The following KBTBD11 variants were observed in gnomAD, a reference collection of about 807,000 sequenced individuals.
KBTBD11 encodes the protein kelch repeat and BTB domain-containing protein 11.
For missense variants in KBTBD11, 1,390 were observed against 1,001.8 expected, an observed-to-expected ratio of 1.39 and a Z score of -5.23; for synonymous variants, 747 against 499.0, an observed-to-expected ratio of 1.50 and a Z score of -6.63.
chr8:1,976,403 TC>T (rs970761139), intron 1 of KBTBD11: 18 of 152,322 alleles, frequency 1.2e-4, no homozygotes, highest in African/African-American at 4.1e-4. Context: ...AATTAAAGCA[TC>T]TAGTTTACTT....
intron 1 of KBTBD11, among the ~76,000 whole-genome samples, chr8:1,993,202 C>T (rs930406801): frequency 1.3e-5 from 2 of 152,096 alleles, no homozygotes; most frequent in East Asian, 1.9e-4. Context: ...CCACCTCAGC[C>T]TTCTGAAGTG....
chr8:1,981,293 G>C (rs1220801549), intron 1 of KBTBD11, among the ~76,000 whole-genome samples: 1 of 152,174 alleles, frequency 6.6e-6, no homozygotes, highest in African/African-American at 2.4e-5. Flanking sequence ...ATGCTTAAGG[G>C]AATTCTTCTA....
intron 1 of KBTBD11, among the ~76,000 whole-genome samples, chr8:1,989,828 T>C (rs1816843744): frequency 6.6e-6 from 1 of 151,636 alleles, no homozygotes; most frequent in Admixed American, 6.6e-5. Flanking sequence ...TCCATGGCTC[T>C]GACTAAACCT....
chr8:1,993,428 C>T (rs200571661), intron 1 of KBTBD11, among the ~76,000 whole-genome samples: 18,193 of 84,112 alleles, frequency 0.22, 1,708 homozygotes, highest in East Asian at 0.59. Context: ...CATCCACCCA[C>T]CCACCCATCC....
intron 1 of KBTBD11, among the ~76,000 whole-genome samples, chr8:1,995,060 C>CA (rs5741960): frequency 2.9e-4 from 29 of 101,124 alleles, no homozygotes; most frequent in Non-Finnish European, 3.4e-4. Flanking sequence ...ACTCTTGTCT[C>CA]AAAAAAAAAA....
chr8:1,982,489 C>T (rs1816571041), intron 1 of KBTBD11, among the ~76,000 whole-genome samples: 1 of 134,122 alleles, frequency 7.5e-6, no homozygotes, highest in Admixed American at 8.3e-5. Flanking sequence ...CATATAAGAC[C>T]CCACTATATG....
intron 1 of KBTBD11, among the ~76,000 whole-genome samples, chr8:1,993,091 T>G (rs9720404): frequency 6.6e-6 from 1 of 151,822 alleles, no homozygotes; most frequent in African/African-American, 2.4e-5. Flanking sequence ...AAATGCTGCA[T>G]GCCACCACTC....
chr8:1,974,290 C>T, intron 1 of KBTBD11: 2 of 983,962 alleles, frequency 2.0e-6, no homozygotes, highest in Non-Finnish European at 2.4e-6. Context: ...CGCGGCAACC[C>T]CGGCCGGAAG....
At chr8:1,989,432 G>A (rs1272863920) in intron 1 of KBTBD11, among the ~76,000 whole-genome samples, 1 of 152,164 alleles carries the variant, frequency 6.6e-6, no homozygotes, top group Non-Finnish European at 1.5e-5. Flanking sequence ...TCTTGTTTTG[G>A]ACCAAGTTGA....
chr8:1,995,870 C>T (rs751256929), intron 1 of KBTBD11, among the ~76,000 whole-genome samples: 2 of 152,062 alleles, frequency 1.3e-5, no homozygotes, highest in African/African-American at 4.8e-5. Flanking sequence ...ACTAAACATA[C>T]AAAAATTAGC....
At position 2,001,610 on chromosome 8, in the gene KBTBD11, C is replaced by CCGGACCTGGTGCTGGAGGTGT; in HGVS notation, c.422_442dup (p.Asp141_Ser147dup). 6.8e-7 allele frequency: 1 copy of CCGGACCTGGTGCTGGAGGTGT among 1,476,324 alleles called. No homozygotes were observed. Among genetic ancestry groups the CCGGACCTGGTGCTGGAGGTGT allele is most frequent in the East Asian group, 2.9e-5 (1 of 34,318 alleles). The allele number at this position is 1,476,324 out of a possible 1,614,324, so 91.5% of individuals were successfully genotyped here. A position where few individuals can be genotyped will look rare whatever the true frequency, so the allele number is the denominator to read the frequency against. ...GGGGTTCGGGGCGGTGTACGGGGAG[C>CCGGACCTGGTGCTGGAGGTGT]CGGACCTGGTGCTGGAGGTGTCGGG... On this transcript the variant is annotated inframe_insertion, in exon 2 of 2. Transcript: ENST00000320248.
In KBTBD11 at chr8:1,977,223, A is replaced by T. The variant is rs538608317; in HGVS notation, c.-909+3288A>T. Among the ~76,000 whole-genome samples, 7 of 152,242 alleles carry T rather than the reference A, an allele frequency of 4.6e-5. No homozygotes were observed. In the East Asian group the frequency reaches 1.4e-3, roughly 29 times the overall value. ...TAGAGCTTGACTGAGTTTCATATGG[A>T]TTAATTTTGTAGCATGGAGACTTCC... On this transcript the variant is annotated intron_variant, in intron 1 of 1. Transcript: ENST00000320248.
chr8:2,002,546 GCCA>G lies in KBTBD11; in HGVS notation c.1360_1362del (p.Thr454del). The G allele has an allele frequency of 6.4e-7, 1 of 1,568,528 alleles. No homozygotes were observed. Among genetic ancestry groups the G allele is most frequent in the Non-Finnish European group, 8.6e-7 (1 of 1,167,366 alleles). ...GGGCGCCTTCGCCGTGGCGCATGAGGCCACCACCTGCCACGGCGAGATCTACGT... is the reference window on the plus strand; with the variant it reads ...GGGCGCCTTCGCCGTGGCGCATGAGGCCACCTGCCACGGCGAGATCTACGT... On this transcript the variant is annotated inframe_deletion, in exon 2 of 2. Coordinates refer to ENST00000320248, the MANE Select transcript of KBTBD11 (RefSeq NM_014867.3). The surrounding 1 kb of genome is among the most constrained non-coding windows in gnomAD (Gnocchi z 4.1).
intron 1 of KBTBD11, among the ~76,000 whole-genome samples, chr8:1,982,895 T>A (rs1350878286): frequency 6.6e-6 from 1 of 152,084 alleles, no homozygotes; most frequent in Non-Finnish European, 1.5e-5. Flanking sequence ...CCAACTAATT[T>A]TTGTACTTTT....
chr8:1,997,787 C>T (rs6997185), intron 1 of KBTBD11, among the ~76,000 whole-genome samples: 32,948 of 152,204 alleles, frequency 0.22, 5,285 homozygotes, highest in African/African-American at 0.45. Flanking sequence ...AGTGAGAGTG[C>T]GACGCTGTAC....
chr8:1,973,847 G>A lies in KBTBD11; in HGVS notation c.-997G>A. ...AGAGGCCGGGCCGCGGCTCCCACAG[G>A]TGCCGGGAAGCGGCCGCGCGCATGC... is the stretch of plus-strand genomic sequence containing the variant. On this transcript the variant is annotated 5_prime_UTR_variant, in exon 1 of 2. It adds an upstream start codon to the 5' untranslated region. Transcript: ENST00000320248. 6 of 982,884 alleles carry A rather than the reference G, an allele frequency of 6.1e-6. No homozygotes were observed. Among genetic ancestry groups the A allele is most frequent in the Non-Finnish European group, 7.2e-6 (6 of 828,978 alleles). The allele number at this position is 982,884 out of a possible 1,614,324, so 60.9% of individuals were successfully genotyped here. A position where few individuals can be genotyped will look rare whatever the true frequency, so the allele number is the denominator to read the frequency against.
In KBTBD11 at chr8:1,973,773, C is replaced by T; in HGVS notation, c.-1071C>T. ...CCTGTCCACCGCCCCCTCTGCCGCC[C>T]ACGCCCCGCTGCGGGTCGGAGGAGC... On this transcript the variant is annotated 5_prime_UTR_variant, in exon 1 of 2. Coordinates refer to ENST00000320248, the MANE Select transcript of KBTBD11 (RefSeq NM_014867.3). 2.0e-6 allele frequency: 2 copies of T among 983,842 alleles called. No homozygotes were observed. The highest frequency in any genetic ancestry group is 2.4e-6 in the Non-Finnish European group (2 of 829,338). 60.9% of individuals were successfully genotyped at this position (983,842 alleles called of 1,614,324 possible). A position where few individuals can be genotyped will look rare whatever the true frequency, so the allele number is the denominator to read the frequency against.
chr8:1,974,531 G>A (rs1269875437), intron 1 of KBTBD11: 15 of 985,024 alleles, frequency 1.5e-5, no homozygotes, highest in African/African-American at 1.8e-5. Flanking sequence ...GCGGCCCTTG[G>A]TCCTCCGCCG....
intron 1 of KBTBD11, chr8:1,974,753 A>C (rs1200683241): frequency 3.2e-5 from 31 of 967,442 alleles, no homozygotes; most frequent in Non-Finnish European, 3.7e-5. Flanking sequence ...GCATGAAAAG[A>C]GGGTGAACCA....
Sources: allele counts gnomAD v4.1 joint callset (sites outside exome capture counted in the v4.1 genomes callset), GRCh38; gene constraint gnomAD v4.1.1; non-coding constraint Gnocchi (gnomAD v3.1); transcripts MANE v1.5; gene names NCBI Gene and HGNC (gene_info 2026-07-23, HGNC 2026-07-21).